The following CSMD1 variants were observed in gnomAD, a reference collection of about 807,000 sequenced individuals.
CSMD1 encodes the protein CUB and sushi domain-containing protein 1.
Under a neutral mutation model 417.5 loss-of-function variants are expected in CSMD1, and 213 were observed. The ratio of observed to expected loss-of-function variants is 0.51; its 90% CI spans 0.46 to 0.57. The LOEUF is 0.57. Ranked by LOEUF, CSMD1 falls within the 20% of genes least tolerant of loss-of-function variation. CSMD1 has a pLI of 0.00. For missense variants in CSMD1, 6,923 were observed against 4,529.7 expected (o/e 1.53, Z -15.17); for synonymous variants, 2,862 against 1,736.8 (o/e 1.65, Z -16.11).
At chr8:3,909,570 T>C (rs916006652) in intron 5 of CSMD1, among the ~76,000 whole-genome samples, 2 of 152,030 alleles carry the variant, frequency 1.3e-5, no homozygotes, top group Non-Finnish European at 2.9e-5. Context: ...GTGGGTGCCT[T>C]TTCGTGGCAT....
intron 9 of CSMD1, among the ~76,000 whole-genome samples, chr8:3,582,965 AACTG>A (rs1387820157): frequency 6.6e-6 from 1 of 152,174 alleles, no homozygotes; most frequent in Admixed American, 6.5e-5. Context: ...CTACCTTATT[AACTG>A]ACTAAGTTAA....
chr8:3,441,730 G>C (rs1426610789), intron 12 of CSMD1, among the ~76,000 whole-genome samples: 2 of 152,058 alleles, frequency 1.3e-5, no homozygotes, highest in Non-Finnish European at 2.9e-5. Flanking sequence ...GCGGAGCAGT[G>C]CAACTGTACA....
At chr8:3,661,880 G>T (rs978436067) in intron 7 of CSMD1, among the ~76,000 whole-genome samples, 1 of 152,094 alleles carries the variant, frequency 6.6e-6, no homozygotes, top group Non-Finnish European at 1.5e-5. Context: ...ACGACACATA[G>T]GATTTGTACA....
At chr8:3,120,085 A>G (rs10109030) in intron 41 of CSMD1, among the ~76,000 whole-genome samples, 1 of 152,196 alleles carries the variant, frequency 6.6e-6, no homozygotes, top group Non-Finnish European at 1.5e-5. Context: ...CTGGAAAAGG[A>G]AACAGTATAT....
rs1178180615 is a variant in CSMD1 at position 3,157,783 on chromosome 8, C to T, written c.5914+114G>A. On this transcript the variant is annotated intron_variant, in intron 39 of 69. Coordinates refer to ENST00000635120, the MANE Select transcript of CSMD1 (RefSeq NM_033225.6). ...TGCATTATGTGCTATTAGTATATAACACGTGTTTTGAAATTAAGAAATTTA... is the reference window on the plus strand; with the variant it reads ...TGCATTATGTGCTATTAGTATATAATACGTGTTTTGAAATTAAGAAATTTA... 9.8e-6 allele frequency: 8 copies of T among 815,244 alleles called. No individual in the cohort carries two copies. In the African/African-American group the frequency reaches 1.2e-4, roughly 12 times the overall value. The allele number at this position is 815,244 out of a possible 1,614,324, so 50.5% of individuals were successfully genotyped here.
intron 23 of CSMD1, among the ~76,000 whole-genome samples, chr8:3,331,237 CAAAAA>C (rs112278319): frequency 7.8e-6 from 1 of 128,516 alleles, no homozygotes; most frequent in Non-Finnish European, 1.6e-5. Context: ...GACTCCGTCT[CAAAAA>C]AAAAAAAAAA....
intron 1 of CSMD1, among the ~76,000 whole-genome samples, chr8:4,755,289 A>G (rs1326886980): frequency 6.6e-6 from 1 of 151,998 alleles, no homozygotes; most frequent in Non-Finnish European, 1.5e-5. Flanking sequence ...ACTTGGAAAT[A>G]TTTTCTTCTT....
intron 5 of CSMD1, among the ~76,000 whole-genome samples, chr8:3,841,876 T>C (rs6991653): frequency 0.32 from 49,215 of 151,718 alleles, 8,525 homozygotes; most frequent in African/African-American, 0.44. Context: ...GCCCTTGGGT[T>C]GGCCACACTG....
At chr8:4,822,553 T>C (rs1257308903) in intron 1 of CSMD1, among the ~76,000 whole-genome samples, 2 of 152,090 alleles carry the variant, frequency 1.3e-5, no homozygotes, top group East Asian at 1.9e-4. Flanking sequence ...ACTTAAACTA[T>C]GTGCAGGAAA....
chr8:4,064,713 G>T (rs561238624), intron 3 of CSMD1, among the ~76,000 whole-genome samples: 41 of 152,240 alleles, frequency 2.7e-4, no homozygotes, highest in African/African-American at 7.5e-4. Context: ...GTCACCCCCA[G>T]TATCCGTACT....
At chr8:4,319,087 T>G (rs1176857117) in intron 3 of CSMD1, among the ~76,000 whole-genome samples, 1 of 152,180 alleles carries the variant, frequency 6.6e-6, no homozygotes, top group Non-Finnish European at 1.5e-5. Context: ...AGTCCTCACA[T>G]ATACATGCAC....
intron 12 of CSMD1, among the ~76,000 whole-genome samples, chr8:3,464,327 G>T (rs968324037): frequency 1.3e-5 from 2 of 152,116 alleles, no homozygotes; most frequent in African/African-American, 4.8e-5. Flanking sequence ...AATATCCAGG[G>T]ATCAAGTTTG....
At chr8:3,788,348 G>C (rs1237870859) in intron 5 of CSMD1, among the ~76,000 whole-genome samples, 1 of 152,142 alleles carries the variant, frequency 6.6e-6, no homozygotes, top group Non-Finnish European at 1.5e-5. Flanking sequence ...ACCCTGAGGT[G>C]TGCAGCCCAT....
chr8:3,470,408 G>A (rs374256882), intron 11 of CSMD1, among the ~76,000 whole-genome samples: 3 of 152,248 alleles, frequency 2.0e-5, no homozygotes, highest in East Asian at 3.9e-4. Flanking sequence ...AATATAAAGA[G>A]ATTACATGTA....
chr8:4,632,442 G>C (rs1029749831), intron 2 of CSMD1, among the ~76,000 whole-genome samples: 3 of 152,174 alleles, frequency 2.0e-5, no homozygotes, highest in Admixed American at 1.3e-4. Flanking sequence ...AACCGGAGAG[G>C]AGGAGATTGC....
chr8:4,632,595 A>G (rs1802587362), intron 2 of CSMD1, among the ~76,000 whole-genome samples: 1 of 152,120 alleles, frequency 6.6e-6, no homozygotes, highest in South Asian at 2.1e-4. Context: ...TTAGCCTCAG[A>G]GGATTATGTT....
chr8:4,897,905 G>T (rs1804610115), intron 1 of CSMD1, among the ~76,000 whole-genome samples: 1 of 152,066 alleles, frequency 6.6e-6, no homozygotes, highest in Admixed American at 6.5e-5. Flanking sequence ...GCAAGGCGTG[G>T]CTTTGTTAAG....
chr8:4,215,232 G>A (rs567990893), intron 3 of CSMD1, among the ~76,000 whole-genome samples: 1 of 152,140 alleles, frequency 6.6e-6, no homozygotes, highest in African/African-American at 2.4e-5. Context: ...AGAAATTCTT[G>A]ATCAGAGATG....
chr8:3,550,182 A>G (rs2116773095), intron 10 of CSMD1, among the ~76,000 whole-genome samples: 1 of 152,224 alleles, frequency 6.6e-6, no homozygotes, highest in African/African-American at 2.4e-5. Flanking sequence ...TTTGATCCCG[A>G]TTCTCCCATA....
Sources: allele counts gnomAD v4.1 joint callset (sites outside exome capture counted in the v4.1 genomes callset), GRCh38; gene constraint gnomAD v4.1.1; transcripts MANE v1.5; gene names NCBI Gene and HGNC (gene_info 2026-07-23, HGNC 2026-07-21).